The following CLIC4 variants were observed in gnomAD, a reference collection of about 807,000 sequenced individuals.
CLIC4 encodes CLIC family member 4.
In CLIC4, 13 loss-of-function variants were observed where a neutral mutation model predicts 24.6. The observed-to-expected ratio is 0.53, with a 90% CI of 0.34 to 0.84. CLIC4 has a LOEUF of 0.84. CLIC4 is among the 40% of genes least tolerant of loss of function. CLIC4 has a pLI of 0.01. For synonymous variants in CLIC4, 104 were observed against 111.3 expected (o/e 0.93, Z 0.41); for missense variants, 227 against 301.7 (o/e 0.75, Z 1.83).
At chr1:24,773,785 T>TGG (rs977265637) in intron 1 of CLIC4, among the ~76,000 whole-genome samples, 1 of 151,576 alleles carries the variant, frequency 6.6e-6, no homozygotes, top group Non-Finnish European at 1.5e-5. Context: ...TTCATAGAGA[T>TGG]GGGGGTCTCA....
At chr1:24,751,485 C>CT (rs1638775564) in intron 1 of CLIC4, among the ~76,000 whole-genome samples, 3 of 82,004 alleles carry the variant, frequency 3.7e-5, no homozygotes, top group Non-Finnish European at 9.0e-5. Context: ...GTGATCCACC[C>CT]GCTCGGCCTC....
intron 1 of CLIC4, among the ~76,000 whole-genome samples, chr1:24,779,226 T>C (rs1639176364): frequency 6.6e-6 from 1 of 152,144 alleles, no homozygotes; most frequent in Non-Finnish European, 1.5e-5. Context: ...TCCCAGCACG[T>C]TGGGAGGCCA....
intron 1 of CLIC4, among the ~76,000 whole-genome samples, chr1:24,763,166 A>T (rs1402698262): frequency 2.0e-5 from 3 of 151,956 alleles, no homozygotes; most frequent in African/African-American, 7.3e-5. Flanking sequence ...TGTTTTTTTG[A>T]AGAACCAGCT....
intron 1 of CLIC4, among the ~76,000 whole-genome samples, chr1:24,787,162 C>G (rs578245485): frequency 1.3e-5 from 2 of 152,128 alleles, no homozygotes; most frequent in African/African-American, 4.8e-5. Flanking sequence ...TTTAAGAAAA[C>G]AGTAGACATG....
intron 1 of CLIC4, among the ~76,000 whole-genome samples, chr1:24,757,660 A>G (rs1638868532): frequency 6.6e-6 from 1 of 151,868 alleles, no homozygotes; most frequent in Non-Finnish European, 1.5e-5. Flanking sequence ...CAGACTAATT[A>G]GGAAAAAAAA....
At chr1:24,771,207 A>T (rs574059295) in intron 1 of CLIC4, among the ~76,000 whole-genome samples, 134 of 152,322 alleles carry the variant, frequency 8.8e-4, no homozygotes, top group Admixed American at 1.8e-3. Context: ...GTTTAGCTTA[A>T]CATATTTCGG....
chr1:24,746,558 A>C (rs1483701585), intron 1 of CLIC4, among the ~76,000 whole-genome samples: 1 of 149,700 alleles, frequency 6.7e-6, no homozygotes, highest in Non-Finnish European at 1.5e-5. Context: ...CTCAAAACTT[A>C]AAAAAAACAC....
intron 1 of CLIC4, among the ~76,000 whole-genome samples, chr1:24,750,119 G>A (rs556046595): frequency 2.6e-5 from 4 of 152,100 alleles, no homozygotes; most frequent in African/African-American, 7.2e-5. Context: ...GGTGGCCCAC[G>A]CCTGCAGCCC....
At chr1:24,777,436 C>T (rs1038042698) in intron 1 of CLIC4, among the ~76,000 whole-genome samples, 3 of 151,814 alleles carry the variant, frequency 2.0e-5, no homozygotes, top group East Asian at 1.9e-4. Flanking sequence ...CCCAGCTACT[C>T]GGGAGGCTGA....
intron 1 of CLIC4, among the ~76,000 whole-genome samples, chr1:24,766,245 C>T (rs1638993607): frequency 6.6e-6 from 1 of 151,872 alleles, no homozygotes; most frequent in Non-Finnish European, 1.5e-5. Context: ...CCTCCTGTTC[C>T]ACCCACCTTG....
intron 1 of CLIC4, among the ~76,000 whole-genome samples, chr1:24,793,676 G>A (rs1396138422): frequency 6.6e-6 from 1 of 151,404 alleles, no homozygotes; most frequent in Non-Finnish European, 1.5e-5. Flanking sequence ...CAAATTCTGT[G>A]TATATTTTGT....
intron 1 of CLIC4, among the ~76,000 whole-genome samples, chr1:24,783,253 G>GAAAACTA (rs1639226980): frequency 6.6e-6 from 1 of 152,124 alleles, no homozygotes; most frequent in East Asian, 1.9e-4. Flanking sequence ...CTAAGACCCA[G>GAAAACTA]AGAGGTTAAG....
intron 2 of CLIC4, among the ~76,000 whole-genome samples, chr1:24,802,773 G>T (rs906227034): frequency 6.7e-6 from 1 of 149,344 alleles, no homozygotes; most frequent in Non-Finnish European, 1.5e-5. Context: ...GCAGTGGCAC[G>T]ATCACAGCTT....
intron 2 of CLIC4, 55 bp from the exon 3 acceptor site, chr1:24,814,039 A>T: frequency 6.2e-7 from 1 of 1,607,810 alleles, no homozygotes; most frequent in East Asian, 2.2e-5. Flanking sequence ...TTAAAGTATT[A>T]TTGTTGTTTA....
At position 24,828,596 on chromosome 1, in the gene CLIC4, G is replaced by A. The variant is rs547538056; in HGVS notation, c.415+1480G>A. ...TTTATTTTTCCATGTGGTTTTTTGG[G>A]AGTTGGAGGGTGGTTAAATTTCTTC... On this transcript the variant is annotated intron_variant, in intron 4 of 5. Transcript: ENST00000374379. 1.9e-4 allele frequency among the ~76,000 whole-genome samples: 29 copies of A among 150,290 alleles called. 1 individual carries two copies. The South Asian group carries it at 5.7e-3, about 29-fold the overall frequency.
chr1:24,818,814 A>T (rs1022766927), intron 3 of CLIC4, among the ~76,000 whole-genome samples: 5 of 124 alleles, frequency 0.04, no homozygotes, highest in African/African-American at 0.1. Context: ...TCTTAATTTA[A>T]AAAAAAAAAA....
At chr1:24,763,013 G>C (rs1638947246) in intron 1 of CLIC4, among the ~76,000 whole-genome samples, 1 of 152,140 alleles carries the variant, frequency 6.6e-6, no homozygotes, top group African/African-American at 2.4e-5. Flanking sequence ...TATTCCACTA[G>C]GTCCCCCTCA....
intron 1 of CLIC4, among the ~76,000 whole-genome samples, chr1:24,782,011 A>G (rs1399582713): frequency 2.0e-5 from 3 of 152,216 alleles, no homozygotes; most frequent in Non-Finnish European, 4.4e-5. Flanking sequence ...TAATGAAACT[A>G]TTATGTTAGG....
At chr1:24,793,873 A>G (rs536945725) in intron 1 of CLIC4, among the ~76,000 whole-genome samples, 1 of 152,168 alleles carries the variant, frequency 6.6e-6, no homozygotes, top group East Asian at 1.9e-4. Flanking sequence ...GTGGCATTTT[A>G]CTGAAATGCT....
Sources: gnomAD v4.1 joint callset for allele counts (sites outside exome capture counted in the v4.1 genomes callset) on GRCh38, gnomAD v4.1.1 for gene constraint, MANE v1.5 for transcripts, NCBI Gene and HGNC (gene_info 2026-07-23, HGNC 2026-07-21) for gene names.